PDE1A: variants seen among roughly 807,000 people sequenced by gnomAD.
The protein encoded by PDE1A is dual specificity calcium/calmodulin-dependent 3',5'-cyclic nucleotide phosphodiesterase 1A.
In PDE1A, 35 loss-of-function variants were observed where a neutral mutation model predicts 61.7. The observed-to-expected ratio is 0.57, with a 90% CI of 0.43 to 0.75. PDE1A has a LOEUF of 0.75. Ranked by LOEUF, PDE1A falls within the 30% of genes least tolerant of loss-of-function variation. PDE1A has a pLI of 0.00. For synonymous variants in PDE1A, 232 were observed against 213.2 expected (o/e 1.09, Z -0.77); for missense variants, 597 against 630.6 (o/e 0.95, Z 0.57).
chr2:182,490,650 G>T (rs1688323810), intron 2 of PDE1A, among the ~76,000 whole-genome samples: 1 of 151,846 alleles, frequency 6.6e-6, no homozygotes, highest in Admixed American at 6.6e-5. Flanking sequence ...TGGGATTACA[G>T]GCGTGAGCCA....
intron 1 of PDE1A, among the ~76,000 whole-genome samples, chr2:182,286,371 A>T (rs1478427443): frequency 1.3e-5 from 2 of 152,116 alleles, no homozygotes; most frequent in East Asian, 3.9e-4. Context: ...TGTATATGTT[A>T]TCTGTTCATC....
At chr2:182,658,445 C>T in the PDE1A span, among the ~76,000 whole-genome samples, 2 of 152,210 alleles carry the variant, frequency 1.3e-5, no homozygotes, top group African/African-American at 4.8e-5. Flanking sequence ...TTAACCTCAT[C>T]TTAATTTGAT....
the PDE1A span, among the ~76,000 whole-genome samples, chr2:182,557,121 C>A: frequency 3.0e-4 from 45 of 151,972 alleles, no homozygotes; most frequent in Non-Finnish European, 4.6e-4. Flanking sequence ...ATGGCAAAAC[C>A]CTGTCTCTAC....
At chr2:182,415,219 C>T (rs1176929380) in intron 1 of PDE1A, among the ~76,000 whole-genome samples, 1 of 151,978 alleles carries the variant, frequency 6.6e-6, no homozygotes, top group Non-Finnish European at 1.5e-5. Context: ...TTTGCCTAGC[C>T]AACTGTGGAA....
chr2:182,221,128 C>T (rs1250337067), intron 7 of PDE1A, among the ~76,000 whole-genome samples: 1 of 151,960 alleles, frequency 6.6e-6, no homozygotes, highest in African/African-American at 2.4e-5. Flanking sequence ...TCCACCACCT[C>T]CTCCTCCCTC....
At chr2:182,254,005 T>G (rs956431846) in intron 2 of PDE1A, among the ~76,000 whole-genome samples, 12 of 152,192 alleles carry the variant, frequency 7.9e-5, no homozygotes, top group Admixed American at 7.2e-4. Context: ...TTATTATTAT[T>G]GGAAAAGAAT....
intron 1 of PDE1A, among the ~76,000 whole-genome samples, chr2:182,416,977 G>A (rs1702955357): frequency 6.6e-6 from 1 of 152,184 alleles, no homozygotes; most frequent in Admixed American, 6.5e-5. Flanking sequence ...CTGAGCTCAA[G>A]ATTCAGTTCA....
At chr2:182,256,924 C>T (rs1450241451) in intron 2 of PDE1A, among the ~76,000 whole-genome samples, 1 of 152,188 alleles carries the variant, frequency 6.6e-6, no homozygotes, top group African/African-American at 2.4e-5. Flanking sequence ...AATTTCTTCA[C>T]GAAGCCATTC....
At chr2:182,380,799 C>T (rs1292237113) in intron 1 of PDE1A, among the ~76,000 whole-genome samples, 2 of 152,134 alleles carry the variant, frequency 1.3e-5, no homozygotes, top group African/African-American at 2.4e-5. Context: ...GAATCCAGTT[C>T]ACAAGGTAAC....
At chr2:182,306,297 GA>G (rs1157242993) in intron 1 of PDE1A, among the ~76,000 whole-genome samples, 1 of 152,100 alleles carries the variant, frequency 6.6e-6, no homozygotes, top group Non-Finnish European at 1.5e-5. Context: ...GTGAACATGG[GA>G]GTGCAGATAT....
chr2:182,389,770 A>G (rs544528066), intron 1 of PDE1A, among the ~76,000 whole-genome samples: 4 of 152,290 alleles, frequency 2.6e-5, no homozygotes, highest in South Asian at 4.2e-4. Context: ...CTCACCCTCA[A>G]TCTGGGTGAG....
At chr2:182,237,166 A>AGTT (rs1690083893) in intron 3 of PDE1A, among the ~76,000 whole-genome samples, 1 of 152,198 alleles carries the variant, frequency 6.6e-6, no homozygotes, top group South Asian at 2.1e-4. Context: ...TTTCCATAAT[A>AGTT]GTTACAAGAT....
At chr2:182,227,608 C>T (rs1266849563) in intron 6 of PDE1A, among the ~76,000 whole-genome samples, 3 of 151,944 alleles carry the variant, frequency 2.0e-5, no homozygotes, top group Admixed American at 2.0e-4. Context: ...AGGTTAGGTG[C>T]CTTGCAAATG....
the PDE1A span, among the ~76,000 whole-genome samples, chr2:182,574,593 G>GA: frequency 4.3e-4 from 66 of 152,108 alleles, no homozygotes; most frequent in Non-Finnish European, 2.5e-4. Context: ...AAATGATAAA[G>GA]AAAAAAATAT....
At chr2:182,429,837 A>G (rs943331774), upstream of PDE1A, among the ~76,000 whole-genome samples, 3 of 152,178 alleles carry the variant, frequency 2.0e-5, no homozygotes, top group African/African-American at 7.2e-5. Flanking sequence ...GTGCCAAAGC[A>G]TGCAATGGCA....
At chr2:182,193,957 T>C (rs1685924810) in intron 10 of PDE1A, among the ~76,000 whole-genome samples, 1 of 152,266 alleles carries the variant, frequency 6.6e-6, no homozygotes, top group East Asian at 1.9e-4. Flanking sequence ...TGTATTACTA[T>C]GGACAATGAA....
the PDE1A span, among the ~76,000 whole-genome samples, chr2:182,680,384 T>G: frequency 1.3e-5 from 2 of 151,846 alleles, no homozygotes; most frequent in African/African-American, 2.4e-5. Context: ...CTAATTTTTG[T>G]TTTTTTTGTA....
At chr2:182,249,498 A>G (rs964757) in intron 2 of PDE1A, among the ~76,000 whole-genome samples, 107,773 of 151,918 alleles carry the variant, frequency 0.71, 38,864 homozygotes, top group African/African-American at 0.84. Context: ...GTGGGGAATC[A>G]TGCCCTGGGA....
chr2:182,372,044 C>G (rs1369954934), intron 1 of PDE1A, among the ~76,000 whole-genome samples: 1 of 152,216 alleles, frequency 6.6e-6, no homozygotes, highest in Non-Finnish European at 1.5e-5. Flanking sequence ...AATGCGTCCA[C>G]CTCAGCCTCC....
Sources: gnomAD v4.1 joint callset for allele counts (sites outside exome capture counted in the v4.1 genomes callset) on GRCh38, gnomAD v4.1.1 for gene constraint, MANE v1.5 for transcripts, NCBI Gene and HGNC (gene_info 2026-07-23, HGNC 2026-07-21) for gene names.